The following USP31 variants were observed in gnomAD, a reference collection of about 807,000 sequenced individuals.
USP31 encodes the protein ubiquitin carboxyl-terminal hydrolase 31.
Under a neutral mutation model 119.4 loss-of-function variants are expected in USP31, and 44 were observed. The observed-to-expected ratio is 0.37, with a 90% CI of 0.29 to 0.47. The LOEUF is 0.47. Among genes scored for constraint, USP31 ranks in the 20% least tolerant of loss-of-function variants. The pLI is 0.99. For missense variants in USP31, 1,643 were observed against 1,730.2 expected, an observed-to-expected ratio of 0.95 and a Z score of 0.89; for synonymous variants, 749 against 705.6, an observed-to-expected ratio of 1.06 and a Z score of -0.97.
chr16:23,144,811 T>A lies in USP31; in HGVS notation c.633+3827A>T, dbSNP rs772816147. Among the ~76,000 whole-genome samples, 129 of 152,140 alleles carry A rather than the reference T, an allele frequency of 8.5e-4. 2 individuals carry two copies. The highest frequency in any genetic ancestry group is 1.9e-4 in the Non-Finnish European group (13 of 68,028). ...CATTCAACTTTCTTTATATTCAAAA[T>A]AATACCCATCAAATTTAGCTAAAAT... On this transcript the variant is annotated intron_variant, in intron 1 of 15. Transcript: ENST00000219689.
intron 1 of USP31, among the ~76,000 whole-genome samples, chr16:23,143,314 T>C (rs1326608527): frequency 2.0e-5 from 3 of 152,174 alleles, no homozygotes; most frequent in Non-Finnish European, 4.4e-5. Context: ...AAGATGACCA[T>C]CCATCTTTTT....
At position 23,063,520 on chromosome 16, in the gene USP31, C is replaced by T. The variant is rs891357503; in HGVS notation, c.*4526G>A. ...AAAACACTTTAGGAAAGTCTTCAGG[C>T]TAAATACAGTATGTACACCAATGAT... On this transcript the variant is annotated 3_prime_UTR_variant, in exon 16 of 16. Transcript: ENST00000219689. 1 of 152,634 alleles carries T rather than the reference C, an allele frequency of 6.6e-6. No individual in the cohort carries two copies. Among genetic ancestry groups the T allele is most frequent in the African/African-American group, 2.4e-5 (1 of 41,546 alleles). The allele number at this position is 152,634 out of a possible 1,614,324, so 9.5% of individuals were successfully genotyped here.
In USP31 at chr16:23,062,381, TA is replaced by T. The variant is rs34408168; in HGVS notation, c.*5664del. 1,642 of 144,030 alleles carry T rather than the reference TA, an allele frequency of 0.011. 21 individuals are homozygous for T. Among genetic ancestry groups the T allele is most frequent in the African/African-American group, 0.032 (1,225 of 38,042 alleles). The allele number at this position is 144,030 out of a possible 1,614,324, so 8.9% of individuals were successfully genotyped here. A position where few individuals can be genotyped will look rare whatever the true frequency, so the allele number is the denominator to read the frequency against. On this transcript the variant is annotated 3_prime_UTR_variant, in exon 16 of 16. Coordinates refer to ENST00000219689, the MANE Select transcript of USP31 (RefSeq NM_020718.4). Reference sequence around the variant, plus strand: ...AATAGCAATAAGGGTTTTTTTTTTTTAAAAAAAAGACACCAAAGAAAATGTT... The same window carrying T: ...AATAGCAATAAGGGTTTTTTTTTTTTAAAAAAAGACACCAAAGAAAATGTT...
intron 13 of USP31, 32 bp from the exon 14 acceptor site, chr16:23,073,912 G>A (rs760326560): frequency 1.2e-6 from 2 of 1,612,850 alleles, no homozygotes; most frequent in Non-Finnish European, 1.7e-6. Context: ...CAGCACCAGG[G>A]GAGGCTGCAC....
chr16:23,068,034 A>T lies in USP31; in HGVS notation c.*12T>A, dbSNP rs1567222410. On this transcript the variant is annotated 3_prime_UTR_variant, in exon 16 of 16. Coordinates refer to ENST00000219689, the MANE Select transcript of USP31 (RefSeq NM_020718.4). ...ACATCTTTACAGATAAAACACTTTG[A>T]TTGCAGAAATATCACTGAGGTTTTT... 1.9e-6 allele frequency: 3 copies of T among 1,599,426 alleles called. No homozygotes were observed. The African/African-American group carries it at 4.0e-5, about 22-fold the overall frequency.
intron 10 of USP31, 65 bp downstream of exon 10, chr16:23,085,520 A>C: frequency 7.3e-7 from 1 of 1,374,946 alleles, no homozygotes; most frequent in Non-Finnish European, 1.0e-6. Flanking sequence ...AACATATCAA[A>C]GGTGTGCTAT....
At chr16:23,106,575 CT>C in intron 2 of USP31, 88 bp from the exon 3 acceptor site, 1 of 1,317,584 alleles carries the variant, frequency 7.6e-7, no homozygotes, top group Non-Finnish European at 1.0e-6. Flanking sequence ...ATGATCTTGA[CT>C]TCCTTTACAA....
chr16:23,148,632 G>A lies in USP31; in HGVS notation c.633+6C>T. On this transcript the variant is annotated splice_donor_region_variant and intron_variant, in intron 1 of 15. Coordinates refer to ENST00000219689, the MANE Select transcript of USP31 (RefSeq NM_020718.4). Reference sequence around the variant, plus strand: ...GCAGTGGGGGCGCGGCGGCGCGCGGGCTCACCTTGAAGTCGCGGCTGTGCT... The same window carrying A: ...GCAGTGGGGGCGCGGCGGCGCGCGGACTCACCTTGAAGTCGCGGCTGTGCT... The A allele has an allele frequency of 1.4e-6, 2 of 1,468,368 alleles. No homozygotes were observed. The highest frequency in any genetic ancestry group is 9.0e-7 in the Non-Finnish European group (1 of 1,116,920). The allele number at this position is 1,468,368 out of a possible 1,614,324, so 91.0% of individuals were successfully genotyped here.
intron 2 of USP31, among the ~76,000 whole-genome samples, chr16:23,107,165 A>G (rs779035664): frequency 6.6e-6 from 1 of 151,860 alleles, no homozygotes; most frequent in Non-Finnish European, 1.5e-5. Flanking sequence ...CCTAGTACCT[A>G]TTACCTGTGC....
Position 23,082,548 on chromosome 16 carries a change from C to T in USP31, c.1840G>A (p.Asp614Asn), listed in dbSNP as rs746752121. Residue 614 changes from aspartate (D) to asparagine (N), a missense_variant, in exon 12 of 16, where the codon GAT (aspartate) becomes AAT (asparagine). By Grantham distance (23) the Asp-to-Asn change is conservative. This residue lies in a region of USP31 where 279 missense variants were observed against 372.2 expected (regional missense o/e 0.75). Transcript: ENST00000219689. ...LYTKEERLAP[D>N]DAWRCPHCKQ... is the part of the protein sequence containing the mutation. Reference sequence around the variant, plus strand: ...CAGTGTGGGCAACGCCAGGCATCATCGGGGGCAAGCTGAAAACAGAAGCAT... The same window carrying T: ...CAGTGTGGGCAACGCCAGGCATCATTGGGGGCAAGCTGAAAACAGAAGCAT... 38 of 1,614,002 alleles carry T rather than the reference C, an allele frequency of 2.4e-5. No individual in the cohort carries two copies. In the South Asian group the frequency reaches 3.0e-4, roughly 13 times the overall value.
chr16:23,142,880 T>G (rs1903392140), intron 1 of USP31, among the ~76,000 whole-genome samples: 1 of 152,200 alleles, frequency 6.6e-6, no homozygotes. Flanking sequence ...CTGAAGTCAG[T>G]GTGCTTTGTG....
rs1902182893 is a variant in USP31, at chr16:23,108,088, G to T, written c.729C>A (p.Asp243Glu). ...LLWLLDRVHE[D>E]LNHSVKQSGQ... Reference sequence around the variant, plus strand: ...CACTCTGCTTCACTGAATGGTTGAGGTCTTCATGAACTCGGTCCAAAAGCC... The same window carrying T: ...CACTCTGCTTCACTGAATGGTTGAGTTCTTCATGAACTCGGTCCAAAAGCC... Residue 243 changes from aspartate (D) to glutamate (E), a missense_variant, in exon 2 of 16, where the codon GAC becomes GAA. Around this residue, in one of 5 missense-constraint regions of USP31, gnomAD observed 144 missense variants for 218.0 expected, o/e 0.66. Coordinates refer to ENST00000219689, the MANE Select transcript of USP31 (RefSeq NM_020718.4). 19 of 1,613,916 alleles carry T rather than the reference G, an allele frequency of 1.2e-5. No homozygotes were observed. The highest frequency in any genetic ancestry group is 1.5e-5 in the Non-Finnish European group (18 of 1,179,986).
rs1261122071 is a variant in USP31, at chr16:23,147,487, C to T, written c.633+1151G>A. Among the ~76,000 whole-genome samples the T allele has an allele frequency of 3.9e-5, 6 of 152,200 alleles. No individual in the cohort carries two copies. In the East Asian group the frequency reaches 1.2e-3, roughly 29 times the overall value. On this transcript the variant is annotated intron_variant, in intron 1 of 15. Transcript: ENST00000219689. ...CACAATCTCACATCATGTTCCCCTTCTGCTTAGAGTAACCGCCCAATTTCT... is the reference window on the plus strand; with the variant it reads ...CACAATCTCACATCATGTTCCCCTTTTGCTTAGAGTAACCGCCCAATTTCT...
chr16:23,115,846 A>AAG, intron 1 of USP31: 1 of 952,638 alleles, frequency 1.0e-6, no homozygotes, highest in Non-Finnish European at 1.2e-6. Flanking sequence ...AAAAAAAAAA[A>AAG]AGAGTTGGAA....
chr16:23,099,881 C>T (rs78089576), intron 6 of USP31, among the ~76,000 whole-genome samples: 9,152 of 152,200 alleles, frequency 0.06, 375 homozygotes, highest in Non-Finnish European at 0.08. Context: ...TTTGAATGGA[C>T]ATTTTTCCAA....
intron 2 of USP31, among the ~76,000 whole-genome samples, chr16:23,107,716 T>C (rs1018872214): frequency 1.3e-5 from 2 of 152,230 alleles, no homozygotes; most frequent in African/African-American, 4.8e-5. Context: ...CTACAGAGTA[T>C]GTGTCTTACT....
intron 6 of USP31, among the ~76,000 whole-genome samples, chr16:23,096,876 A>C (rs982812494): frequency 2.6e-5 from 4 of 152,248 alleles, no homozygotes; most frequent in South Asian, 2.1e-4. Flanking sequence ...CCAAATGCCC[A>C]CAGGAAAAAG....
chr16:23,092,245 C>T (rs1901396113), intron 6 of USP31, among the ~76,000 whole-genome samples: 1 of 152,194 alleles, frequency 6.6e-6, no homozygotes, highest in South Asian at 2.1e-4. Context: ...GGCTAGAATA[C>T]AATAACCTTT....
intron 1 of USP31, among the ~76,000 whole-genome samples, chr16:23,125,596 G>A (rs117807790): frequency 0.022 from 3,396 of 152,266 alleles, 56 homozygotes; most frequent in Non-Finnish European, 0.035. Context: ...TTAACTAGTA[G>A]ATATTTTCCA....
Sources: gnomAD v4.1 joint callset for allele counts (sites outside exome capture counted in the v4.1 genomes callset) on GRCh38, gnomAD v4.1.1 for gene constraint, gnomAD v4.1.1 regional missense constraint, MANE v1.5 for transcripts, NCBI Gene and HGNC (gene_info 2026-07-23, HGNC 2026-07-21) for gene names.